BPIFB3: variants seen among roughly 807,000 people sequenced by gnomAD.
The protein encoded by BPIFB3 is BPI fold containing family B member 3.
In BPIFB3, 49 loss-of-function variants were observed where a neutral mutation model predicts 53.1. That is an observed-to-expected ratio of 0.92 (90% CI 0.73 to 1.17). BPIFB3 has a LOEUF of 1.17. BPIFB3 is among the 50% of genes most tolerant of loss of function. The probability of loss-of-function intolerance (pLI) is 0.00; values close to 1 mark genes in which losing one functional copy is unlikely to be tolerated. For synonymous variants in BPIFB3, 271 were observed against 269.6 expected (o/e 1.01, Z -0.05); for missense variants, 628 against 592.5 (o/e 1.06, Z -0.62).
At chr20:33,064,727 A>C in exon 8 of BPIFB3, 1 of 1,614,106 alleles carries the variant, frequency 6.2e-7, no homozygotes, top group Non-Finnish European at 8.5e-7. Flanking sequence ...GCCCCAGCCA[A>C]GGTGCCCCCC....
At chr20:33,056,840 T>G (rs1320513032) in intron 2 of BPIFB3, 142 bp downstream of exon 3, 2 of 1,046,714 alleles carry the variant, frequency 1.9e-6, no homozygotes, top group Non-Finnish European at 2.7e-6. Context: ...AAATGATGAC[T>G]CTACTGCATG....
At position 33,072,810 on chromosome 20, in the gene BPIFB3, G is replaced by A. The variant is rs1208503567; in HGVS notation, c.1401+17G>A. The A allele has an allele frequency of 6.3e-7, 1 of 1,597,580 alleles. No individual in the cohort carries two copies. The highest frequency in any genetic ancestry group is 2.2e-5 in the East Asian group (1 of 44,774). ...ATCGTAGAGGTGAGCCTTCTCTGCA[G>A]ATACGGCCCAGGTGGGCCTTAAGCT... On this transcript the variant is annotated intron_variant, in intron 14 of 14. Transcript: ENST00000375494.
exon 4 of BPIFB3, chr20:33,060,012 C>T (rs1980384039): frequency 6.2e-7 from 1 of 1,613,938 alleles, no homozygotes. Context: ...GCTCCTGGGC[C>T]ACATCAGCCT....
chr20:33,063,196 G>A (rs1213043429), intron 5 of BPIFB3, among the ~76,000 whole-genome samples: 3 of 152,224 alleles, frequency 2.0e-5, no homozygotes, highest in African/African-American at 7.2e-5. Context: ...GAGAGGAGGT[G>A]CCCCTCTGTG....
In BPIFB3 at chr20:33,059,485, G is replaced by A. The variant is rs1980353588; in HGVS notation, c.386+3G>A. The A allele has an allele frequency of 6.2e-7, 1 of 1,605,386 alleles. No individual in the cohort carries two copies. The highest frequency in any genetic ancestry group is 1.3e-5 in the African/African-American group (1 of 74,762). Reference sequence around the variant, plus strand: ...AAAGTGGGCATGCATTGCTCTGGGTGAGTGTGTCCTGGGGACCTCTACCCT... The same window carrying A: ...AAAGTGGGCATGCATTGCTCTGGGTAAGTGTGTCCTGGGGACCTCTACCCT... On this transcript the variant is annotated splice_donor_region_variant and intron_variant, in intron 3 of 14. Coordinates refer to ENST00000375494, the Ensembl canonical transcript of BPIFB3.
In BPIFB3 at chr20:33,064,423, A is replaced by T. The variant is rs915872323; in HGVS notation, c.653-34A>T. 4 of 1,548,434 alleles carry T rather than the reference A, an allele frequency of 2.6e-6. No individual in the cohort carries two copies. In the African/African-American group the frequency reaches 5.4e-5, roughly 21 times the overall value. On this transcript the variant is annotated intron_variant, in intron 6 of 14. Transcript: ENST00000375494. Reference sequence around the variant, plus strand: ...GCTATTATGATTGGGAACTGGGCTTATAGGGTCGTTCTCGCCCCCACTTTC... The same window carrying T: ...GCTATTATGATTGGGAACTGGGCTTTTAGGGTCGTTCTCGCCCCCACTTTC...
At chr20:33,061,966 C>T (rs1238089020) in intron 5 of BPIFB3, 135 bp downstream of exon 6, 6 of 1,056,408 alleles carry the variant, frequency 5.7e-6, no homozygotes, top group South Asian at 3.1e-5. Context: ...TAATCCCATC[C>T]GGGCCTGCTG....
At chr20:33,059,793 G>A (rs1980367692) in intron 3 of BPIFB3, 98 bp from the exon 5 acceptor site, 2 of 1,486,080 alleles carry the variant, frequency 1.3e-6, no homozygotes, top group Non-Finnish European at 9.0e-7. Context: ...GCTGAGAAGG[G>A]GGCACAGAGC....
At position 33,055,517 on chromosome 20, in the gene BPIFB3, G is replaced by T. The variant is rs138919082; in HGVS notation, c.94G>T (p.Ala32Ser). ...GCTGCTAGAGACGGTGGGCACGCTC[G>T]CTCGGATTGACAAGGATGAACTCGG... Residue 32 changes from alanine (A) to serine (S), a missense_variant, in exon 1 of 15, where the codon GCT (alanine) becomes TCT (serine). Transcript: ENST00000375494. 244 of 1,613,640 alleles carry T rather than the reference G, an allele frequency of 1.5e-4. 1 individual carries two copies. Among genetic ancestry groups the T allele is most frequent in the Admixed American group, 6.7e-4 (40 of 60,008 alleles).
intron 9 of BPIFB3, 53 bp downstream of exon 10, chr20:33,066,930 T>C (rs918884645): frequency 6.4e-7 from 1 of 1,570,276 alleles, no homozygotes; most frequent in Non-Finnish European, 8.8e-7. Context: ...CTGATGACCA[T>C]GAATGGAGTC....
At chr20:33,068,566 G>A (rs966489104) in intron 9 of BPIFB3, among the ~76,000 whole-genome samples, 1 of 152,152 alleles carries the variant, frequency 6.6e-6, no homozygotes, top group Admixed American at 6.5e-5. Flanking sequence ...CTATGGCCTC[G>A]GGGAGGATTC....
At chr20:33,060,609 A>G (rs1446409893) in intron 4 of BPIFB3, among the ~76,000 whole-genome samples, 1 of 151,036 alleles carries the variant, frequency 6.6e-6, no homozygotes, top group East Asian at 1.9e-4. Context: ...TCACTCTTTC[A>G]CCCGGGCTGG....
At chr20:33,064,838 C>T in exon 8 of BPIFB3, 1 of 1,612,404 alleles carries the variant, frequency 6.2e-7, no homozygotes, top group South Asian at 1.1e-5. Flanking sequence ...GACATCACCC[C>T]TGAGCTGGTG....
At position 33,072,177 on chromosome 20, in the gene BPIFB3, G is replaced by A; in HGVS notation, c.1324+10G>A. 6.2e-7 allele frequency: 1 copy of A among 1,614,134 alleles called. No homozygotes were observed. Among genetic ancestry groups the A allele is most frequent in the Non-Finnish European group, 8.5e-7 (1 of 1,179,964 alleles). ...GCACCAAAGCTTAACGGTATGGCAG[G>A]TTTTGCTCTCTTGGACACATGGAGT... On this transcript the variant is annotated intron_variant, in intron 13 of 14. Coordinates refer to ENST00000375494, the Ensembl canonical transcript of BPIFB3.
chr20:33,056,682 G>A, exon 2 of BPIFB3: 1 of 1,602,850 alleles, frequency 6.2e-7, no homozygotes, highest in Non-Finnish European at 8.5e-7. Flanking sequence ...TTTTGGCGTT[G>A]TCGAGGAGCT....
At chr20:33,063,956 CA>C (rs1486752959) in intron 6 of BPIFB3, among the ~76,000 whole-genome samples, 1 of 152,118 alleles carries the variant, frequency 6.6e-6, no homozygotes, top group African/African-American at 2.4e-5. Flanking sequence ...CTGTCAGAAA[CA>C]GGGGGAAGAT....
chr20:33,063,184 A>C (rs1980523146), intron 5 of BPIFB3, among the ~76,000 whole-genome samples: 1 of 152,164 alleles, frequency 6.6e-6, no homozygotes, highest in African/African-American at 2.4e-5. Context: ...CTCTGGGTGG[A>C]GGAGAGGAGG....
At chr20:33,064,018 A>T (rs1407320649) in intron 6 of BPIFB3, among the ~76,000 whole-genome samples, 1 of 152,222 alleles carries the variant, frequency 6.6e-6, no homozygotes, top group Non-Finnish European at 1.5e-5. Flanking sequence ...GAGCTCAAGT[A>T]AGGAACCCAA....
At chr20:33,059,531 C>G (rs200639895) in intron 3 of BPIFB3, 49 bp downstream of exon 4, 3 of 1,399,006 alleles carry the variant, frequency 2.1e-6, no homozygotes, top group Non-Finnish European at 3.0e-6. Context: ...ATCCCACCCC[C>G]TGACCTGTTG....
Sources: allele counts gnomAD v4.1 joint callset (sites outside exome capture counted in the v4.1 genomes callset), GRCh38; gene constraint gnomAD v4.1.1; transcripts MANE v1.5; gene names NCBI Gene and HGNC (gene_info 2026-07-23, HGNC 2026-07-21).